ASIC2: variants seen among roughly 807,000 people sequenced by gnomAD.
The protein encoded by ASIC2 is acid-sensing ion channel 2.
A neutral mutation model predicts 57.3 loss-of-function variants in ASIC2; 25 were observed. The ratio of observed to expected loss-of-function variants is 0.44; its 90% CI spans 0.32 to 0.61. The LOEUF is 0.61. Ranked by LOEUF, ASIC2 falls within the 20% of genes least tolerant of loss-of-function variation. ASIC2 has a pLI of 0.06. For missense variants in ASIC2, 641 were observed against 738.1 expected (o/e 0.87, Z 1.52); for synonymous variants, 319 against 307.5 (o/e 1.04, Z -0.39).
intron 1 of ASIC2, among the ~76,000 whole-genome samples, chr17:33,235,347 G>A (rs116365012): frequency 0.042 from 6,456 of 152,268 alleles, 406 homozygotes; most frequent in African/African-American, 0.13. Flanking sequence ...GTGGGAGGGA[G>A]TTCTCTGGTG....
intron 1 of ASIC2, among the ~76,000 whole-genome samples, chr17:34,046,685 T>C (rs899758746): frequency 1.3e-5 from 2 of 152,234 alleles, no homozygotes; most frequent in African/African-American, 4.8e-5. Flanking sequence ...ACGAATGGCT[T>C]TGTATAGTAC....
chr17:33,335,207 C>T (rs1321243619), intron 1 of ASIC2, among the ~76,000 whole-genome samples: 1 of 152,176 alleles, frequency 6.6e-6, no homozygotes, highest in Non-Finnish European at 1.5e-5. Flanking sequence ...CACTTAAAAT[C>T]CCCAGAAATG....
At chr17:33,221,908 G>A (rs533259391) in intron 1 of ASIC2, among the ~76,000 whole-genome samples, 8 of 152,240 alleles carry the variant, frequency 5.3e-5, no homozygotes, top group South Asian at 2.1e-4. Context: ...ATACTTCACC[G>A]ATGATTGATT....
Position 33,293,131 on chromosome 17 carries a change from C to G in ASIC2, c.-1016G>C. On this transcript the variant is annotated 5_prime_UTR_variant, in exon 1 of 10. Transcript: ENST00000225823. ...TCGCTGCTCCGCGCGCCCTTCTCCT[C>G]TCGAGACTCCGAGCTCGCGGTGGCC... 1.3e-6 allele frequency: 1 copy of G among 776,642 alleles called. No individual in the cohort carries two copies. Among genetic ancestry groups the G allele is most frequent in the East Asian group, 1.3e-4 (1 of 7,730 alleles). The allele number at this position is 776,642 out of a possible 1,614,324, so 48.1% of individuals were successfully genotyped here. A position where few individuals can be genotyped will look rare whatever the true frequency, so the allele number is the denominator to read the frequency against.
At chr17:34,006,233 C>T (rs1906519481) in intron 1 of ASIC2, 1 of 152,252 alleles carries the variant, frequency 6.6e-6, no homozygotes, top group Admixed American at 6.5e-5. Context: ...AGGAGCCCTC[C>T]AGCTGAAGAG....
chr17:33,089,772 T>C (rs2092150209), intron 2 of ASIC2, among the ~76,000 whole-genome samples: 1 of 152,202 alleles, frequency 6.6e-6, no homozygotes, highest in African/African-American at 2.4e-5. Context: ...GCCAAGGTGT[T>C]TGCCCCTTGG....
At chr17:34,096,463 C>T (rs1273107881) in intron 1 of ASIC2, among the ~76,000 whole-genome samples, 4 of 152,072 alleles carry the variant, frequency 2.6e-5, no homozygotes, top group African/African-American at 9.7e-5. Context: ...ATCAAAGGTG[C>T]CTGGATTTTA....
At chr17:33,355,207 C>T (rs1054502945) in intron 1 of ASIC2, among the ~76,000 whole-genome samples, 12 of 152,170 alleles carry the variant, frequency 7.9e-5, no homozygotes, top group African/African-American at 2.7e-4. Context: ...GTGGCATGTG[C>T]TTGTAGTCCC....
intron 1 of ASIC2, among the ~76,000 whole-genome samples, chr17:33,227,575 C>G (rs568303133): frequency 6.6e-6 from 1 of 152,228 alleles, no homozygotes; most frequent in South Asian, 2.1e-4. Flanking sequence ...TAGACCTCTT[C>G]AACTGTCCTT....
chr17:33,682,376 G>A (rs1218943381), intron 1 of ASIC2, among the ~76,000 whole-genome samples: 1 of 151,994 alleles, frequency 6.6e-6, no homozygotes, highest in Non-Finnish European at 1.5e-5. Context: ...GCATCTTTCT[G>A]TGATGACATT....
intron 1 of ASIC2, among the ~76,000 whole-genome samples, chr17:34,144,918 G>A (rs923528967): frequency 6.6e-6 from 1 of 152,096 alleles, no homozygotes; most frequent in Non-Finnish European, 1.5e-5. Context: ...CTATAGCTGG[G>A]TCTATCTCTA....
chr17:34,134,280 G>A lies in ASIC2; in HGVS notation c.555+21698C>T, dbSNP rs753040619. On this transcript the variant is annotated intron_variant, in intron 1 of 9. Transcript: ENST00000359872. ...TAAATGGTCACTTCTCTCTGTGACC[G>A]CCCTATCACCCTCAGGCACAACATC... is the stretch of plus-strand genomic sequence containing the variant. Among the ~76,000 whole-genome samples, 14 of 152,234 alleles carry A rather than the reference G, an allele frequency of 9.2e-5. No homozygotes were observed. The Middle Eastern group carries it at 0.01, about 111-fold the overall frequency.
chr17:33,101,316 T>G (rs910662711), intron 2 of ASIC2, among the ~76,000 whole-genome samples: 2 of 152,196 alleles, frequency 1.3e-5, no homozygotes, highest in African/African-American at 4.8e-5. Flanking sequence ...TGCTAAAAAT[T>G]TATGATGATT....
At chr17:33,625,110 A>G (rs1157116252) in intron 1 of ASIC2, among the ~76,000 whole-genome samples, 1 of 148,574 alleles carries the variant, frequency 6.7e-6, no homozygotes, top group Non-Finnish European at 1.5e-5. Context: ...TTTGTTATCA[A>G]AGACAATGTG....
chr17:33,113,198 T>C (rs561969223), intron 1 of ASIC2, among the ~76,000 whole-genome samples: 1 of 152,336 alleles, frequency 6.6e-6, no homozygotes, highest in South Asian at 2.1e-4. Flanking sequence ...CACTTCTTAG[T>C]AGTGTGACTT....
intron 1 of ASIC2, among the ~76,000 whole-genome samples, chr17:33,288,002 T>C (rs1250897306): frequency 6.6e-6 from 1 of 152,178 alleles, no homozygotes; most frequent in African/African-American, 2.4e-5. Flanking sequence ...CAGGGAATGT[T>C]GGGGGTACCT....
intron 1 of ASIC2, among the ~76,000 whole-genome samples, chr17:33,475,404 GT>G (rs1428687377): frequency 6.6e-6 from 1 of 152,000 alleles, no homozygotes; most frequent in African/African-American, 2.4e-5. Flanking sequence ...ACCTATCTGT[GT>G]TTTTTACACT....
At chr17:34,150,813 A>G (rs1904485358) in intron 1 of ASIC2, among the ~76,000 whole-genome samples, 1 of 152,116 alleles carries the variant, frequency 6.6e-6, no homozygotes, top group Admixed American at 6.5e-5. Flanking sequence ...GACATGGAGA[A>G]AGAGGTATAA....
At chr17:33,250,337 C>T (rs1908836442) in intron 1 of ASIC2, among the ~76,000 whole-genome samples, 1 of 152,192 alleles carries the variant, frequency 6.6e-6, no homozygotes, top group Non-Finnish European at 1.5e-5. Flanking sequence ...CCCTGGAGGC[C>T]ACAGCCGGGA....
Sources: gnomAD v4.1 joint callset for allele counts (sites outside exome capture counted in the v4.1 genomes callset) on GRCh38, gnomAD v4.1.1 for gene constraint, MANE v1.5 for transcripts, NCBI Gene and HGNC (gene_info 2026-07-23, HGNC 2026-07-21) for gene names.